The following PRAG1 variants were observed in gnomAD, a reference collection of about 807,000 sequenced individuals.
PRAG1 encodes inactive tyrosine-protein kinase PRAG1.
In PRAG1, 110 loss-of-function variants were observed where a neutral mutation model predicts 95.6. The ratio of observed to expected loss-of-function variants is 1.15; its 90% CI spans 0.99 to 1.35. The LOEUF (loss-of-function observed/expected upper bound fraction) is 1.35. Ranked by LOEUF, PRAG1 falls within the 40% of genes most tolerant of loss-of-function variation. PRAG1 has a pLI of 0.00. For missense variants in PRAG1, 2,554 were observed against 1,864.7 expected (o/e 1.37, Z -6.81); for synonymous variants, 1,052 against 819.4 (o/e 1.28, Z -4.85).
At position 8,319,403 on chromosome 8, in the gene PRAG1, A is replaced by C. The variant is rs1013653497; in HGVS notation, c.3073-101T>G. On this transcript the variant is annotated intron_variant, in intron 5 of 5. Coordinates refer to ENST00000615670, the MANE Select transcript of PRAG1 (RefSeq NM_001080826.3). ...GTATCTACGTGCAATAAGCCTATCC[A>C]CATAGGCTTAAGGGTAAGAGCAATC... The C allele has an allele frequency of 1.8e-5, 17 of 958,566 alleles. No individual in the cohort carries two copies. The African/African-American group carries it at 2.6e-4, about 15-fold the overall frequency. 59.4% of individuals were successfully genotyped at this position (958,566 alleles called of 1,614,324 possible).
intron 2 of PRAG1, among the ~76,000 whole-genome samples, chr8:8,379,225 C>T (rs1490756332): frequency 1.3e-5 from 2 of 152,228 alleles, no homozygotes; most frequent in East Asian, 3.8e-4. Context: ...GGTCATCTTT[C>T]TCCCGCCTAC....
rs1254598723 is a variant in PRAG1 at position 8,384,843 on chromosome 8, C to G, written c.-88+1478G>C. 2.0e-5 allele frequency among the ~76,000 whole-genome samples: 3 copies of G among 152,114 alleles called. 1 individual carries two copies. Among genetic ancestry groups the G allele is most frequent in the South Asian group, 4.1e-4 (2 of 4,824 alleles). ...CCCCCAGAATTATGCAAATCCTCCC[C>G]ATTTCAGTAGGAGGCTGCAGTGTCA... On this transcript the variant is annotated intron_variant, in intron 1 of 5. Transcript: ENST00000615670.
chr8:8,383,264 C>T (rs555376782), intron 1 of PRAG1, among the ~76,000 whole-genome samples: 1 of 152,256 alleles, frequency 6.6e-6, no homozygotes, highest in South Asian at 2.1e-4. Flanking sequence ...TGCCTCTTTT[C>T]CCTCCAAAGT....
intron 3 of PRAG1, among the ~76,000 whole-genome samples, chr8:8,369,111 G>T (rs73184344): frequency 0.011 from 1,663 of 151,870 alleles, 14 homozygotes; most frequent in Admixed American, 0.02. Context: ...TGTTGAGCGA[G>T]AATAGTTGCA....
intron 3 of PRAG1, among the ~76,000 whole-genome samples, chr8:8,344,278 G>A (rs192953844): frequency 2.2e-4 from 34 of 152,234 alleles, no homozygotes; most frequent in Admixed American, 1.8e-3. Context: ...CTTTTGGTGG[G>A]ATACTTTATA....
chr8:8,348,642 T>G (rs1466024839), intron 3 of PRAG1, among the ~76,000 whole-genome samples: 3 of 152,090 alleles, frequency 2.0e-5, no homozygotes, highest in African/African-American at 7.2e-5. Context: ...CCTCTCTCCC[T>G]TTCAAACCAT....
chr8:8,382,803 A>G (rs556388834), intron 1 of PRAG1, among the ~76,000 whole-genome samples: 236 of 152,192 alleles, frequency 1.6e-3, no homozygotes, highest in African/African-American at 5.5e-3. Context: ...TGTTGTCCCA[A>G]TTTTACAGGT....
Position 8,381,605 on chromosome 8 carries a change from T to C in PRAG1, c.143A>G (p.Gln48Arg). 6.2e-7 allele frequency: 1 copy of C among 1,613,936 alleles called. No individual in the cohort carries two copies. The highest frequency in any genetic ancestry group is 8.5e-7 in the Non-Finnish European group (1 of 1,179,902). The part of the protein sequence containing the change: ...SDHQLVAGPP[Q>R]PRAGSLPPPP... ...AGGGGGCAGGCTGCCCGCTCTGGGC[T>C]GGGGAGGGCCGGCCACCAGCTGGTG... The change falls in exon 2 of 6, where the codon CAG becomes CGG. Residue 48 changes from glutamine to arginine, a missense_variant. Coordinates refer to ENST00000615670, the MANE Select transcript of PRAG1 (RefSeq NM_001080826.3).
chr8:8,383,202 T>C (rs1585286997), intron 1 of PRAG1, among the ~76,000 whole-genome samples: 1 of 152,142 alleles, frequency 6.6e-6, no homozygotes, highest in Non-Finnish European at 1.5e-5. Flanking sequence ...CTCTCTTTTA[T>C]CTCCACACTC....
chr8:8,377,871 C>T lies in PRAG1; in HGVS notation c.538G>A (p.Val180Met), dbSNP rs376262756. 1.1e-5 allele frequency: 18 copies of T among 1,614,000 alleles called. No homozygotes were observed. The African/African-American group carries it at 2.1e-4, about 19-fold the overall frequency. Residue 180 changes from valine to methionine, a missense_variant, in exon 3 of 6, where the codon GTG (valine) becomes ATG (methionine). By Grantham distance (21) the Val-to-Met change is conservative. Coordinates refer to ENST00000615670, the MANE Select transcript of PRAG1 (RefSeq NM_001080826.3). ...RGERNIAFHP[V>M]SFPEEKAVHK... Reference sequence around the variant, plus strand: ...ACAGCCTTCTCCTCCGGGAAGCTCACCGGGTGGAAGGCAATGTTCCTCTCG... The same window carrying T: ...ACAGCCTTCTCCTCCGGGAAGCTCATCGGGTGGAAGGCAATGTTCCTCTCG...
intron 3 of PRAG1, among the ~76,000 whole-genome samples, chr8:8,345,866 T>TGGAA (rs1199586641): frequency 6.6e-6 from 1 of 152,180 alleles, no homozygotes; most frequent in Non-Finnish European, 1.5e-5. Context: ...GCATCCGCCC[T>TGGAA]GGAAACCTGT....
At chr8:8,347,514 T>A (rs1799384429) in intron 3 of PRAG1, among the ~76,000 whole-genome samples, 1 of 152,358 alleles carries the variant, frequency 6.6e-6, no homozygotes, top group Middle Eastern at 3.4e-3. Context: ...CTTCATTTAT[T>A]CTCTACTATT....
At chr8:8,379,953 G>A (rs1351835803) in intron 2 of PRAG1, among the ~76,000 whole-genome samples, 1 of 152,172 alleles carries the variant, frequency 6.6e-6, no homozygotes, top group African/African-American at 2.4e-5. Flanking sequence ...ATATTCTGAA[G>A]TGTGGGGCCA....
chr8:8,374,161 G>C (rs1800304078), intron 3 of PRAG1, among the ~76,000 whole-genome samples: 1 of 152,152 alleles, frequency 6.6e-6, no homozygotes, highest in African/African-American at 2.4e-5. Flanking sequence ...ATAGCAGGGT[G>C]TTATCAAAGT....
At chr8:8,356,065 T>C (rs1223646732) in intron 3 of PRAG1, among the ~76,000 whole-genome samples, 1 of 152,188 alleles carries the variant, frequency 6.6e-6, no homozygotes, top group Non-Finnish European at 1.5e-5. Flanking sequence ...GAAGAATTCT[T>C]ACAACTCAAT....
chr8:8,353,888 G>C (rs946852823), intron 3 of PRAG1, among the ~76,000 whole-genome samples: 1 of 151,854 alleles, frequency 6.6e-6, no homozygotes, highest in Admixed American at 6.6e-5. Context: ...AGAAGAGGAA[G>C]AGGAAGACCA....
rs570629594 is a variant in PRAG1 at position 8,377,087 on chromosome 8, C to T, written c.1322G>A (p.Gly441Asp). 81 of 1,613,660 alleles carry T rather than the reference C, an allele frequency of 5.0e-5. No homozygotes were observed. The highest frequency in any genetic ancestry group is 6.4e-5 in the Non-Finnish European group (76 of 1,180,028). ...ATTACCTGTGCATACCTGGCCTTGG[C>T]CCTGGGCAGCAGCTGCATGTTCTAT... is the stretch of plus-strand genomic sequence containing the variant. ...AKIEHAAAAQGQGQVCTGNAW... is the reference protein window; with the variant it reads ...AKIEHAAAAQDQGQVCTGNAW... Residue 441 changes from glycine to aspartate, a missense_variant, in exon 3 of 6, where the codon GGC becomes GAC. Physicochemically the swap from Gly to Asp is moderately conservative, Grantham distance 94 (BLOSUM62 -1). Coordinates refer to ENST00000615670, the MANE Select transcript of PRAG1 (RefSeq NM_001080826.3).
chr8:8,372,953 G>C (rs1800259611), intron 3 of PRAG1, among the ~76,000 whole-genome samples: 1 of 152,228 alleles, frequency 6.6e-6, no homozygotes, highest in Non-Finnish European at 1.5e-5. Flanking sequence ...TATGAAGCAA[G>C]TCCTTTTTCT....
intron 4 of PRAG1, 113 bp from the exon 5 acceptor site, chr8:8,328,574 T>G: frequency 8.6e-7 from 1 of 1,164,390 alleles, no homozygotes; most frequent in Non-Finnish European, 1.2e-6. Context: ...CAATTAATTT[T>G]ATGTTACTTC....
Sources: gnomAD v4.1 joint callset for allele counts (sites outside exome capture counted in the v4.1 genomes callset) on GRCh38, gnomAD v4.1.1 for gene constraint, MANE v1.5 for transcripts, NCBI Gene and HGNC (gene_info 2026-07-23, HGNC 2026-07-21) for gene names.